Variants in TTN observed in about 807,000 individuals in gnomAD.
TTN encodes titin.
Under a neutral mutation model 3,223.0 loss-of-function variants are expected in TTN, and 1,525 were observed. The ratio of observed to expected loss-of-function variants is 0.47; its 90% CI spans 0.45 to 0.49. The LOEUF is 0.49. TTN is among the 20% of genes least tolerant of loss of function. TTN has a pLI of 0.00. For synonymous variants in TTN, 14,094 were observed against 15,161.0 expected, an observed-to-expected ratio of 0.93 and a Z score of 5.17; for missense variants, 40,786 against 43,424.0, an observed-to-expected ratio of 0.94 and a Z score of 5.40.
rs780595886 is a variant in TTN, at chr2:178,531,828, T to C, written c.104787A>G (p.Glu34929=). 1 of 1,613,930 alleles carries C rather than the reference T, an allele frequency of 6.2e-7. No homozygotes were observed. The highest frequency in any genetic ancestry group is 8.5e-7 in the Non-Finnish European group (1 of 1,179,876). ...KTQKTSERKY[E]VLSQQPFTLD... ...GTGTGAAAGGCTGCTGACTCAAAAC[T>C]TCATACTTCCTTTCTGATGTCTTCT... The change falls in exon 358 of 363, where the codon GAA becomes GAG. Residue 34929 remains glutamate, a synonymous_variant. Coordinates refer to ENST00000589042, the MANE Select transcript of TTN (RefSeq NM_001267550.2).
rs1250336644 is a variant in TTN, at chr2:178,530,565, AG to A, written c.106049del (p.Thr35350MetfsTer55). 6.2e-7 allele frequency: 1 copy of A among 1,614,010 alleles called. No homozygotes were observed. The highest frequency in any genetic ancestry group is 8.5e-7 in the Non-Finnish European group (1 of 1,179,894). On this transcript the variant is annotated frameshift_variant, in exon 358 of 363. Transcript: ENST00000589042. LOFTEE classifies it high-confidence loss of function. ...GTYELKINNL[T>X]ESDQGEYVCE... ...AAACATATTCTCCTTGATCAGATTC[AG>A]TGAGGTTATTGATTTTGAGCTCATA...
chr2:178,647,968 T>G (rs1321551339), intron 213 of TTN, among the ~76,000 whole-genome samples: 1 of 152,134 alleles, frequency 6.6e-6, no homozygotes, highest in Non-Finnish European at 1.5e-5. Flanking sequence ...CTAATGGTTT[T>G]GATAATGGTC....
intron 79 of TTN, 34 bp from the exon 80 acceptor site, chr2:178,720,697 C>G (rs1404490889): frequency 3.3e-6 from 5 of 1,534,748 alleles, no homozygotes. Context: ...AATGAGAACA[C>G]TTGCTTACTA....
chr2:178,751,337 T>C (rs986133766), intron 47 of TTN: 1 of 1,610,024 alleles, frequency 6.2e-7, no homozygotes, highest in Non-Finnish European at 8.5e-7. Context: ...TTCACCTACA[T>C]TAAGCCAACC....
At chr2:178,587,479 T>A in intron 306 of TTN, 37 bp downstream of exon 306, 1 of 1,602,926 alleles carries the variant, frequency 6.2e-7, no homozygotes, top group African/African-American at 1.3e-5. Flanking sequence ...ACAAATTCAT[T>A]TTTGAAGTGG....
rs770110055 is a variant in TTN, at chr2:178,665,358, T to A, written c.36043+19A>T. ...GGACAGATAATTTCTTCTTCCACAT[T>A]TGTTCAGAGGTAACGTACTTTTCAT... On this transcript the variant is annotated intron_variant, in intron 165 of 362. Transcript: ENST00000589042. The A allele has an allele frequency of 1.8e-5, 29 of 1,604,940 alleles. No individual in the cohort carries two copies. The highest frequency in any genetic ancestry group is 2.5e-5 in the Non-Finnish European group (29 of 1,173,004).
Position 178,607,118 on chromosome 2 carries a change from A to C in TTN, c.53484T>G (p.Leu17828=). 1 of 1,612,860 alleles carries C rather than the reference A, an allele frequency of 6.2e-7. No homozygotes were observed. Among genetic ancestry groups the C allele is most frequent in the East Asian group, 2.2e-5 (1 of 44,736 alleles). Residue 17828 remains leucine, a synonymous_variant, in exon 278 of 363, where the codon CTT becomes CTG. Transcript: ENST00000589042. ...CACGGAACTTATATTCTTGTCCCTC[A>C]AGCAGACCTGTGATGTCACATTTAG... ...ERSKCDITGL[L]EGQEYKFRVI...
intron 235 of TTN, 44 bp downstream of exon 235, chr2:178,632,481 CA>C (rs558880332): frequency 1.3e-4 from 205 of 1,587,050 alleles, no homozygotes; most frequent in Admixed American, 1.7e-4. Flanking sequence ...AAACTAAAGG[CA>C]AAAAAAATGA....
chr2:178,650,863 T>C, intron 208 of TTN, 29 bp from the exon 209 acceptor site: 2 of 1,563,378 alleles, frequency 1.3e-6, no homozygotes, highest in African/African-American at 1.4e-5. Flanking sequence ...ATTTTTCTTA[T>C]GAGTAGTTGA....
rs1445268725 is a variant in TTN at position 178,597,919 on chromosome 2, T to G, written c.57251A>C (p.Lys19084Thr). The change falls in exon 293 of 363, where the codon AAG becomes ACG. Residue 19084 changes from lysine to threonine, a missense_variant. Coordinates refer to ENST00000589042, the MANE Select transcript of TTN (RefSeq NM_001267550.2). Reference protein sequence around the residue: ...PGEVTDVIEMKDRLVSPDLQL... With the variant: ...PGEVTDVIEMTDRLVSPDLQL... ...GGATTGATAATTACCAAGTCTGTCC[T>G]TCATTTCAATGACATCTGTGACCTC... 6.2e-7 allele frequency: 1 copy of G among 1,613,256 alleles called. No individual in the cohort carries two copies. The highest frequency in any genetic ancestry group is 1.1e-5 in the South Asian group (1 of 91,028).
Position 178,768,797 on chromosome 2 carries a change from C to A in TTN, c.9039G>T (p.Lys3013Asn). The A allele has an allele frequency of 1.2e-6, 2 of 1,614,042 alleles. No homozygotes were observed. Among genetic ancestry groups the A allele is most frequent in the South Asian group, 2.2e-5 (2 of 91,086 alleles). ...KNGVEIKSTD[K>N]CQMRTKKLTH... The stretch of plus-strand genomic sequence containing the variant: ...TGAGCTTTTTGGTTCTCATCTGGCA[C>A]TTGTCAGTTGATTTGATTTCCACAC... Residue 3013 changes from lysine (K) to asparagine (N), a missense_variant, in exon 38 of 363, where the codon AAG becomes AAT. By Grantham distance (94) the Lys-to-Asn change is moderately conservative. Coordinates refer to ENST00000589042, the MANE Select transcript of TTN (RefSeq NM_001267550.2).
chr2:178,650,609 T>C, intron 209 of TTN, 142 bp downstream of exon 209: 1 of 866,184 alleles, frequency 1.2e-6, no homozygotes, highest in Admixed American at 2.9e-5. Flanking sequence ...AGATTGGAGC[T>C]AATTTAGAAT....
Position 178,613,254 on chromosome 2 carries a change from T to C in TTN, c.49555A>G (p.Lys16519Glu). ...GCCAACACACGGAATCTGTATTTTT[T>C]CTTATTAGTGAGACCTTTCACTCTG... ...TYRVKGLTNKKKYRFRVLAEN... is the reference protein window; with the variant it reads ...TYRVKGLTNKEKYRFRVLAEN... The change falls in exon 264 of 363, where the codon AAA becomes GAA. Residue 16519 changes from lysine to glutamate, a missense_variant. Physicochemically the swap from Lys to Glu is moderately conservative, Grantham distance 56. Coordinates refer to ENST00000589042, the MANE Select transcript of TTN (RefSeq NM_001267550.2). 4 of 1,610,692 alleles carry C rather than the reference T, an allele frequency of 2.5e-6. No individual in the cohort carries two copies. Among genetic ancestry groups the C allele is most frequent in the Non-Finnish European group, 3.4e-6 (4 of 1,178,582 alleles).
rs2050024015 is a variant in TTN at position 178,590,713 on chromosome 2, C to T, written c.61012G>A (p.Gly20338Arg). ...LKFRVTGLYE[G>R]NTYEFRVFAE... ...AAAACTCTAAACTCATATGTATTTC[C>T]TTCATAGAGTCCAGTCACTCTGAAC... is the stretch of plus-strand genomic sequence containing the variant. Residue 20338 changes from glycine to arginine, a missense_variant, in exon 304 of 363, where the codon GGA (glycine) becomes AGA (arginine). Transcript: ENST00000589042. 6.2e-7 allele frequency: 1 copy of T among 1,612,832 alleles called. No individual in the cohort carries two copies. The highest frequency in any genetic ancestry group is 1.3e-5 in the African/African-American group (1 of 74,976).
At position 178,593,686 on chromosome 2, in the gene TTN, T is replaced by C; in HGVS notation, c.58614A>G (p.Thr19538=). 6.2e-7 allele frequency: 1 copy of C among 1,613,400 alleles called. No individual in the cohort carries two copies. Among genetic ancestry groups the C allele is most frequent in the Non-Finnish European group, 8.5e-7 (1 of 1,179,612 alleles). Residue 19538 remains threonine (T), a synonymous_variant, in exon 298 of 363, where the codon ACA becomes ACG. Coordinates refer to ENST00000589042, the MANE Select transcript of TTN (RefSeq NM_001267550.2). ...CTTCAAGTAGTTTAGAAACTTTGCA[T>C]GTTGTTTTAGCACTTGCAGATGTCA... The part of the protein sequence containing the change: ...MPVTSASAKT[T]CKVSKLLEGK...
rs749229315 is a variant in TTN, at chr2:178,554,542, T to C, written c.88805A>G (p.Asn29602Ser). The C allele has an allele frequency of 6.2e-7, 1 of 1,613,836 alleles. No individual in the cohort carries two copies. The highest frequency in any genetic ancestry group is 8.5e-7 in the Non-Finnish European group (1 of 1,179,834). Residue 29602 changes from asparagine to serine, a missense_variant, in exon 332 of 363, where the codon AAT (asparagine) becomes AGT (serine). Transcript: ENST00000589042. ...GGCTCGGACCCGGAAGATGTATTCA[T>C]TTCCTTTGATAATTTTGGTGGTTGT... is the stretch of plus-strand genomic sequence containing the variant. ...IITTTKIIKGNEYIFRVRAVN... is the reference protein window; with the variant it reads ...IITTTKIIKGSEYIFRVRAVN...
intron 223 of TTN, among the ~76,000 whole-genome samples, 178 bp downstream of exon 223, chr2:178,639,521 A>C (rs765737577): frequency 1.1e-4 from 17 of 152,112 alleles, no homozygotes; most frequent in Non-Finnish European, 1.6e-4. Flanking sequence ...CCACTGGGCA[A>C]GAGACAAGGT....
rs72648216 is a variant in TTN at position 178,563,335 on chromosome 2, G to A, written c.82797C>T (p.Gly27599=). ...CTACAACATAGCCTTTAACAGGTGC[G>A]CCACCATCATAAATTGGCTTACTCC... ...LAWSKPIYDG[G]APVKGYVVEV... The change falls in exon 326 of 363, where the codon GGC becomes GGT. Residue 27599 remains glycine (G), a synonymous_variant. Coordinates refer to ENST00000589042, the MANE Select transcript of TTN (RefSeq NM_001267550.2). This position sits in a 1 kb window ranked among gnomAD's most constrained non-coding sequence, Gnocchi z 4.5. 1.3e-4 allele frequency: 210 copies of A among 1,613,580 alleles called. No individual in the cohort carries two copies. In the African/African-American group the frequency reaches 2.2e-3, roughly 17 times the overall value.
Position 178,639,696 on chromosome 2 carries a change from T to TA in TTN, c.40876+2dup, listed in dbSNP as rs1468599791. ...AGCAAAAAGAAAGCTACAGGATAAA[T>TA]ACCTGCTTTCTTTCCAACCACTGGC... On this transcript the variant is annotated splice_region_variant and intron_variant, in intron 223 of 362. Transcript: ENST00000589042. 1.2e-6 allele frequency: 2 copies of TA among 1,611,388 alleles called. No individual in the cohort carries two copies. Among genetic ancestry groups the TA allele is most frequent in the East Asian group, 2.2e-5 (1 of 44,652 alleles).
Sources: gnomAD v4.1 joint callset for allele counts (sites outside exome capture counted in the v4.1 genomes callset) on GRCh38, gnomAD v4.1.1 for gene constraint, Gnocchi (gnomAD v3.1) non-coding constraint, MANE v1.5 for transcripts, NCBI Gene and HGNC (gene_info 2026-07-23, HGNC 2026-07-21) for gene names.